The following EVC variants were observed in gnomAD, a reference collection of about 807,000 sequenced individuals.
The protein encoded by EVC is EvC ciliary complex subunit 1.
EVC carries 116 observed loss-of-function variants against 118.9 expected under a neutral mutation model. The observed-to-expected ratio is 0.98, with a 90% confidence interval of 0.84 to 1.14. The LOEUF (loss-of-function observed/expected upper bound fraction) is 1.14. EVC is among the 50% of genes most tolerant of loss of function. The pLI, the probability that EVC is intolerant of heterozygous loss-of-function variation, is 0.00. For missense variants in EVC, 1,401 were observed against 1,246.4 expected (o/e 1.12, Z -1.87); for synonymous variants, 619 against 534.7 (o/e 1.16, Z -2.18).
Position 5,742,604 on chromosome 4 carries a change from G to A in EVC, c.801+790G>A, listed in dbSNP as rs539765300. ...CACCATCATCATCATCCTCATGACC[G>A]CTGTCATCACCAACACCATCACCAT... On this transcript the variant is annotated intron_variant, in intron 6 of 20. Transcript: ENST00000264956. The surrounding 1 kb of genome is among the most constrained non-coding windows in gnomAD (Gnocchi z 5.2). 2.0e-4 allele frequency among the ~76,000 whole-genome samples: 31 copies of A among 152,024 alleles called. No homozygotes were observed. Among genetic ancestry groups the A allele is most frequent in the East Asian group, 7.7e-4 (4 of 5,168 alleles).
chr4:5,794,319 A>T (rs1259953183), intron 13 of EVC, among the ~76,000 whole-genome samples: 2 of 133,764 alleles, frequency 1.5e-5, no homozygotes, highest in Non-Finnish European at 3.1e-5. Flanking sequence ...ATATATTTAT[A>T]TATATTTATA....
intron 12 of EVC, among the ~76,000 whole-genome samples, chr4:5,791,219 G>A (rs1712722495): frequency 6.6e-6 from 1 of 152,182 alleles, no homozygotes; most frequent in African/African-American, 2.4e-5. Context: ...GTGAGAAGGT[G>A]GTCCTGGAAC....
At chr4:5,816,644 C>T (rs1184279632), downstream of EVC, among the ~76,000 whole-genome samples, 2 of 137,266 alleles carry the variant, frequency 1.5e-5, no homozygotes, top group African/African-American at 5.3e-5. Flanking sequence ...CTTCCCCTCT[C>T]TCCCTTCCCT....
chr4:5,816,344 C>T (rs1390979708), downstream of EVC, among the ~76,000 whole-genome samples: 1 of 152,178 alleles, frequency 6.6e-6, no homozygotes, highest in East Asian at 1.9e-4. Flanking sequence ...CTTGGGATTT[C>T]CTGCCGTGCT....
chr4:5,721,525 G>T (rs1186392351), intron 2 of EVC, among the ~76,000 whole-genome samples: 4 of 150,108 alleles, frequency 2.7e-5, no homozygotes, highest in African/African-American at 7.3e-5. Flanking sequence ...GGGATGGGGT[G>T]ACAGTGAAAG....
At chr4:5,799,429 T>A (rs957867067) in intron 15 of EVC, among the ~76,000 whole-genome samples, 2 of 152,244 alleles carry the variant, frequency 1.3e-5, no homozygotes, top group Non-Finnish European at 2.9e-5. Context: ...TCATTTTTCT[T>A]CCCGTTGGGA....
intron 12 of EVC, among the ~76,000 whole-genome samples, chr4:5,790,239 C>T (rs1217613339): frequency 6.6e-6 from 1 of 150,472 alleles, no homozygotes; most frequent in African/African-American, 2.4e-5. Context: ...TTCTGGTTTC[C>T]CTAGCACTCC....
At position 5,750,936 on chromosome 4, in the gene EVC, C is replaced by A. The variant is rs1224727870; in HGVS notation, c.1099-1900C>A. On this transcript the variant is annotated intron_variant, in intron 8 of 20. Transcript: ENST00000264956. ...GAGTTGGAATTCCCAGGGCGGCATC[C>A]CATCTTTCTGGCCTGGGCATTTGGA... Among the ~76,000 whole-genome samples the A allele has an allele frequency of 2.0e-5, 3 of 152,252 alleles. No individual in the cohort carries two copies. The East Asian group carries it at 5.8e-4, about 29-fold the overall frequency.
chr4:5,775,871 C>G (rs1734647575), intron 11 of EVC, among the ~76,000 whole-genome samples: 1 of 152,076 alleles, frequency 6.6e-6, no homozygotes, highest in Admixed American at 6.5e-5. Context: ...ATTTATAGGT[C>G]AATTTGAGGA....
chr4:5,731,742 G>C lies in EVC; in HGVS notation c.617+85G>C, dbSNP rs1421026591. The C allele has an allele frequency of 7.7e-7, 1 of 1,299,820 alleles. No homozygotes were observed. Among genetic ancestry groups the C allele is most frequent in the East Asian group, 2.5e-5 (1 of 39,878 alleles). 80.5% of individuals were successfully genotyped at this position (1,299,820 alleles called of 1,614,324 possible). On this transcript the variant is annotated intron_variant, in intron 4 of 20. Transcript: ENST00000264956. This position sits in a 1 kb window ranked among gnomAD's most constrained non-coding sequence, Gnocchi z 5.6. ...CACATCATTGTCAGAGGAGGAAACA[G>C]AGGCCCAGAGAGGTTCAGTGACTCT...
At chr4:5,800,368 A>G (rs565775272) in intron 15 of EVC, among the ~76,000 whole-genome samples, 7 of 152,214 alleles carry the variant, frequency 4.6e-5, no homozygotes, top group Admixed American at 4.6e-4. Flanking sequence ...CAAACAAAAA[A>G]CAGAAAAGCA....
intron 2 of EVC, among the ~76,000 whole-genome samples, chr4:5,727,605 T>C (rs1265422362): frequency 3.3e-5 from 5 of 151,866 alleles, no homozygotes; most frequent in African/African-American, 1.2e-4. Context: ...TTTTGGCTTT[T>C]GTTGCCATTG....
chr4:5,821,598 T>C, the EVC span: 1 of 686,974 alleles, frequency 1.5e-6, no homozygotes, highest in East Asian at 2.7e-5. The surrounding 1 kb of genome is among the most constrained non-coding windows in gnomAD (Gnocchi z 4.4). Context: ...CACACCACAC[T>C]AGTACCACTT....
rs778484721 is a variant in EVC at position 5,797,189 on chromosome 4, C to T, written c.2054C>T (p.Ser685Phe). The change falls in exon 14 of 21, where the codon TCC (serine) becomes TTC (phenylalanine). Residue 685 changes from serine to phenylalanine, a missense_variant. Coordinates refer to ENST00000264956, the MANE Select transcript of EVC (RefSeq NM_153717.3). ...CAGCGTGCACTGGAGCAGGGGTCCT[C>T]CCAGTGCCTGGACGAGCATCAGTGG... The part of the protein sequence containing the change: ...REQRALEQGS[S>F]QCLDEHQWQL... 1.2e-5 allele frequency: 20 copies of T among 1,612,922 alleles called. No individual in the cohort carries two copies. Among genetic ancestry groups the T allele is most frequent in the South Asian group, 1.1e-5 (1 of 91,026 alleles).
chr4:5,791,715 C>A (rs1027540144), intron 12 of EVC, among the ~76,000 whole-genome samples: 2 of 152,098 alleles, frequency 1.3e-5, no homozygotes, highest in African/African-American at 4.8e-5. Context: ...AACAACCAAC[C>A]ACCGAGCATC....
At chr4:5,818,549 A>C (rs1718022517), downstream of EVC, among the ~76,000 whole-genome samples, 1 of 152,184 alleles carries the variant, frequency 6.6e-6, no homozygotes, top group African/African-American at 2.4e-5. Context: ...TCCCTTCATG[A>C]ATGGATTAAT....
chr4:5,783,336 G>A (rs544420339), intron 11 of EVC, among the ~76,000 whole-genome samples: 1 of 148,392 alleles, frequency 6.7e-6, no homozygotes, highest in South Asian at 2.1e-4. Flanking sequence ...GTGCATGTGG[G>A]GGAGTTACTT....
intron 11 of EVC, among the ~76,000 whole-genome samples, chr4:5,770,888 C>T (rs1733842466): frequency 1.3e-5 from 2 of 151,886 alleles, no homozygotes; most frequent in Admixed American, 6.6e-5. Context: ...TGGGGTGTGC[C>T]TGTAATCCCA....
chr4:5,797,158 C>T lies in EVC; in HGVS notation c.2023C>T (p.Arg675Trp), dbSNP rs372267517. The part of the protein sequence containing the change: ...SGKKHLLQEL[R>W]EQRALEQGSS... ...GAAGAAGCACCTCCTGCAGGAGCTG[C>T]GGGAACAGCGTGCACTGGAGCAGGG... Residue 675 changes from arginine to tryptophan, a missense_variant, in exon 14 of 21, where the codon CGG becomes TGG. Coordinates refer to ENST00000264956, the MANE Select transcript of EVC (RefSeq NM_153717.3). 16 of 1,613,474 alleles carry T rather than the reference C, an allele frequency of 9.9e-6. No individual in the cohort carries two copies. Among genetic ancestry groups the T allele is most frequent in the East Asian group, 6.7e-5 (3 of 44,886 alleles).
Sources: gnomAD v4.1 joint callset for allele counts (sites outside exome capture counted in the v4.1 genomes callset) on GRCh38, gnomAD v4.1.1 for gene constraint, Gnocchi (gnomAD v3.1) non-coding constraint, MANE v1.5 for transcripts, NCBI Gene and HGNC (gene_info 2026-07-23, HGNC 2026-07-21) for gene names.